SLC5A10: variants seen among roughly 807,000 people sequenced by gnomAD.
SLC5A10 encodes sodium/mannose cotransporter SLC5A10.
Under a neutral mutation model 68.9 loss-of-function variants are expected in SLC5A10, and 55 were observed. The ratio of observed to expected loss-of-function variants is 0.80; its 90% CI spans 0.64 to 1.00. The LOEUF is 1.00. SLC5A10 is among the 50% of genes least tolerant of loss of function. SLC5A10 has a pLI of 0.00. For synonymous variants in SLC5A10, 344 were observed against 344.8 expected, an observed-to-expected ratio of 1.00 and a Z score of 0.02; for missense variants, 732 against 819.3, an observed-to-expected ratio of 0.89 and a Z score of 1.30.
chr17:18,951,652 T>TG (rs1369053077), upstream of SLC5A10: 3 of 152,672 alleles, frequency 2.0e-5, no homozygotes, highest in African/African-American at 4.8e-5. Context: ...TTGTCCGACA[T>TG]GGGGCTGCCT....
chr17:18,984,811 T>G (rs546053743), intron 9 of SLC5A10, among the ~76,000 whole-genome samples: 12 of 152,322 alleles, frequency 7.9e-5, no homozygotes, highest in African/African-American at 2.9e-4. Flanking sequence ...CAGTGAAAGT[T>G]CTGGCCCTCT....
At position 18,971,233 on chromosome 17, in the gene SLC5A10, C is replaced by T; in HGVS notation, c.846+15C>T. ...GCACCGACCAGGTGAGTGCCAACGTCTCCCGCCCATCCCACCTTCCTGCCG... is the reference window on the plus strand; with the variant it reads ...GCACCGACCAGGTGAGTGCCAACGTTTCCCGCCCATCCCACCTTCCTGCCG... On this transcript the variant is annotated intron_variant, in intron 8 of 14. Transcript: ENST00000395645. This position sits in a 1 kb window ranked among gnomAD's most constrained non-coding sequence, Gnocchi z 5.5. The T allele has an allele frequency of 6.2e-7, 1 of 1,613,298 alleles. No homozygotes were observed. Among genetic ancestry groups the T allele is most frequent in the Non-Finnish European group, 8.5e-7 (1 of 1,179,564 alleles).
In SLC5A10 at chr17:19,000,229, A is replaced by G. The variant is rs1338887791; in HGVS notation, c.983-13181A>G. On this transcript the variant is annotated intron_variant, in intron 9 of 14. Transcript: ENST00000395645. The surrounding 1 kb of genome is among the most constrained non-coding windows in gnomAD (Gnocchi z 5.2). ...GTAGGAGCCCACTAGGGCTGGAGGG[A>G]GGCTGGAGGGCACAAGCTGCTGAGA... 6.6e-6 allele frequency among the ~76,000 whole-genome samples: 1 copy of G among 152,014 alleles called. No individual in the cohort carries two copies.
At position 18,985,050 on chromosome 17, in the gene SLC5A10, A is replaced by C. The variant is rs1030169135; in HGVS notation, c.982+8061A>C. ...CGAGAGTGTGTTGGTGTGGGCTCCA[A>C]GCTCAGGAGGAAGGAGCCGAGTGAG... On this transcript the variant is annotated intron_variant, in intron 9 of 14. Transcript: ENST00000395645. Among the ~76,000 whole-genome samples, 13 of 152,332 alleles carry C rather than the reference A, an allele frequency of 8.5e-5. No homozygotes were observed. The East Asian group carries it at 2.5e-3, about 29-fold the overall frequency.
In SLC5A10 at chr17:19,017,396, T is replaced by C. The variant is rs2044163915; in HGVS notation, c.1242-2027T>C. 2 of 1,550,844 alleles carry C rather than the reference T, an allele frequency of 1.3e-6. No individual in the cohort carries two copies. Among genetic ancestry groups the C allele is most frequent in the Admixed American group, 3.9e-5 (2 of 50,966 alleles). ...AGGCCTCGTGGTCATGGATCTCTGG[T>C]AGGGTGAATGGCCTGACAACAGTCT... On this transcript the variant is annotated intron_variant, in intron 11 of 14. Transcript: ENST00000395645. The surrounding 1 kb of genome is among the most constrained non-coding windows in gnomAD (Gnocchi z 5.6).
intron 9 of SLC5A10, among the ~76,000 whole-genome samples, chr17:18,999,448 C>G (rs2043667481): frequency 6.6e-6 from 1 of 152,116 alleles, no homozygotes; most frequent in Non-Finnish European, 1.5e-5. Context: ...TCGGCCCAGT[C>G]CCTCCAGATA....
In SLC5A10 at chr17:18,971,693, C is replaced by T. The variant is rs565352380; in HGVS notation, c.846+475C>T. Reference sequence around the variant, plus strand: ...GCGGTACCTAGGGGGTCCTGGGAAGCCGTCTTTATCCCTAGTCCCTGAGGC... The same window carrying T: ...GCGGTACCTAGGGGGTCCTGGGAAGTCGTCTTTATCCCTAGTCCCTGAGGC... On this transcript the variant is annotated intron_variant, in intron 8 of 14. Transcript: ENST00000395645. This position sits in a 1 kb window ranked among gnomAD's most constrained non-coding sequence, Gnocchi z 5.5. 2.0e-5 allele frequency: 32 copies of T among 1,605,296 alleles called. No individual in the cohort carries two copies. The highest frequency in any genetic ancestry group is 3.3e-5 in the South Asian group (3 of 90,564).
rs1319530863 is a variant in SLC5A10 at position 18,968,949 on chromosome 17, A to T, written c.454-103A>T. 2 of 1,102,794 alleles carry T rather than the reference A, an allele frequency of 1.8e-6. No homozygotes were observed. The highest frequency in any genetic ancestry group is 2.6e-6 in the Non-Finnish European group (2 of 782,978). The allele number at this position is 1,102,794 out of a possible 1,614,324, so 68.3% of individuals were successfully genotyped here. On this transcript the variant is annotated intron_variant, in intron 5 of 14. Transcript: ENST00000395645. The surrounding 1 kb of genome is among the most constrained non-coding windows in gnomAD (Gnocchi z 4.1). ...GTGGGGGTCTCCCCTCCTTATCCACAGGCCACCGAGGCCCAGAGAGGGCCT... is the reference window on the plus strand; with the variant it reads ...GTGGGGGTCTCCCCTCCTTATCCACTGGCCACCGAGGCCCAGAGAGGGCCT...
chr17:19,001,847 C>T (rs1205179796), intron 9 of SLC5A10, among the ~76,000 whole-genome samples: 1 of 152,214 alleles, frequency 6.6e-6, no homozygotes, highest in Non-Finnish European at 1.5e-5. Flanking sequence ...CCATCTGCCT[C>T]CTTCCTGTCG....
intron 5 of SLC5A10, among the ~76,000 whole-genome samples, chr17:18,965,114 G>A (rs2042685245): frequency 6.6e-6 from 1 of 151,154 alleles, no homozygotes; most frequent in South Asian, 2.1e-4. Context: ...AGGAAATGCA[G>A]AGCCCCAGAT....
At chr17:18,956,216 T>C (rs1022815140) in intron 1 of SLC5A10, among the ~76,000 whole-genome samples, 2 of 126,134 alleles carry the variant, frequency 1.6e-5, no homozygotes, top group Non-Finnish European at 3.0e-5. Flanking sequence ...AATAAATAAA[T>C]AAATAAATAA....
At chr17:18,978,163 C>CT in intron 9 of SLC5A10, 1 of 1,532,308 alleles carries the variant, frequency 6.5e-7, no homozygotes, top group Non-Finnish European at 8.7e-7. Flanking sequence ...GCACGGGGGG[C>CT]AATGGCTCAG....
chr17:18,959,727 T>C, intron 4 of SLC5A10, 64 bp downstream of exon 4: 1 of 1,481,404 alleles, frequency 6.8e-7, no homozygotes, highest in Non-Finnish European at 9.4e-7. Context: ...GTGGTAGTAA[T>C]GGGCAGGACC....
upstream of SLC5A10, chr17:18,951,829 C>A (rs1327871360): frequency 4.3e-6 from 1 of 231,536 alleles, no homozygotes; most frequent in Non-Finnish European, 8.5e-6. Context: ...GCTTCTTATA[C>A]AAATTAGATA....
Position 19,017,384 on chromosome 17 carries a change from A to G in SLC5A10, c.1242-2039A>G. On this transcript the variant is annotated intron_variant, in intron 11 of 14. Coordinates refer to ENST00000395645, the MANE Select transcript of SLC5A10 (RefSeq NM_001042450.4). The surrounding 1 kb of genome is among the most constrained non-coding windows in gnomAD (Gnocchi z 5.6). ...GCGGTATCTCCTAGGCCTCGTGGTC[A>G]TGGATCTCTGGTAGGGTGAATGGCC... is the stretch of plus-strand genomic sequence containing the variant. 4.5e-6 allele frequency: 7 copies of G among 1,551,690 alleles called. No homozygotes were observed. Among genetic ancestry groups the G allele is most frequent in the Non-Finnish European group, 5.2e-6 (6 of 1,146,916 alleles).
chr17:18,983,322 A>G (rs945107867), intron 9 of SLC5A10, among the ~76,000 whole-genome samples: 2 of 152,242 alleles, frequency 1.3e-5, no homozygotes, highest in African/African-American at 4.8e-5. Context: ...AGAGAGGTGG[A>G]ACCACACGCC....
At chr17:18,998,635 G>C (rs947468133) in intron 9 of SLC5A10, among the ~76,000 whole-genome samples, 6 of 152,244 alleles carry the variant, frequency 3.9e-5, no homozygotes, top group African/African-American at 1.2e-4. Context: ...TCTCCTTAGA[G>C]CTCCTTCCTC....
rs1373742833 is a variant in SLC5A10, at chr17:18,959,165, G to A, written c.214G>A (p.Gly72Ser). Residue 72 changes from glycine (G) to serine (S), a missense_variant, in exon 3 of 15, where the codon GGC becomes AGC. Coordinates refer to ENST00000395645, the MANE Select transcript of SLC5A10 (RefSeq NM_001042450.4). ...AGCCTCCCTCTTCGCCAGCAGCGAG[G>A]GCTCTGGCCTCTTCATTGGACTGGC... ...IGASLFASSE[G>S]SGLFIGLAGS... 6.2e-7 allele frequency: 1 copy of A among 1,612,646 alleles called. No homozygotes were observed. The highest frequency in any genetic ancestry group is 8.5e-7 in the Non-Finnish European group (1 of 1,178,906).
At chr17:19,019,283 G>A (rs758580698) in intron 11 of SLC5A10, 140 bp from the exon 12 acceptor site, 2 of 1,036,602 alleles carry the variant, frequency 1.9e-6, no homozygotes, top group Admixed American at 2.6e-5. Flanking sequence ...CACTGGTGGT[G>A]TGGACCAGAG....
Sources: allele counts gnomAD v4.1 joint callset (sites outside exome capture counted in the v4.1 genomes callset), GRCh38; gene constraint gnomAD v4.1.1; non-coding constraint Gnocchi (gnomAD v3.1); transcripts MANE v1.5; gene names NCBI Gene and HGNC (gene_info 2026-07-23, HGNC 2026-07-21).